EFCAB13: variants seen among roughly 807,000 people sequenced by gnomAD.
EFCAB13 encodes the protein EF-hand calcium-binding domain-containing protein 13.
In EFCAB13, 91 loss-of-function variants were observed where a neutral mutation model predicts 110.2. The observed-to-expected ratio is 0.83, with a 90% confidence interval of 0.70 to 0.98. The LOEUF (loss-of-function observed/expected upper bound fraction) is 0.98, where lower values mean the gene tolerates loss of function less well. Among genes scored for constraint, EFCAB13 ranks in the 50% least tolerant of loss-of-function variants. The pLI is 0.00. For synonymous variants in EFCAB13, 323 were observed against 369.9 expected, an observed-to-expected ratio of 0.87 and a Z score of 1.45; for missense variants, 968 against 1,119.4, an observed-to-expected ratio of 0.86 and a Z score of 1.93.
chr17:47,354,350 T>C (rs2065468987), intron 9 of EFCAB13, among the ~76,000 whole-genome samples: 2 of 152,208 alleles, frequency 1.3e-5, no homozygotes, highest in African/African-American at 2.4e-5. Flanking sequence ...ATAGTCTGCA[T>C]TTATTGGGTA....
Position 47,429,975 on chromosome 17 carries a change from A to G in EFCAB13, c.2638+14A>G. On this transcript the variant is annotated intron_variant, in intron 24 of 24. Coordinates refer to ENST00000331493, the MANE Select transcript of EFCAB13 (RefSeq NM_152347.5). The stretch of plus-strand genomic sequence containing the variant: ...TACCTGAACATGGTTAGTAGTTTCA[A>G]TGCGTCTATCTTATAAGGACCATCC... 6.3e-7 allele frequency: 1 copy of G among 1,587,278 alleles called. No individual in the cohort carries two copies. Among genetic ancestry groups the G allele is most frequent in the African/African-American group, 1.3e-5 (1 of 74,398 alleles).
At chr17:47,369,288 T>C (rs569997036) in intron 10 of EFCAB13, among the ~76,000 whole-genome samples, 147 of 152,358 alleles carry the variant, frequency 9.6e-4, no homozygotes, top group African/African-American at 3.3e-3. Context: ...ACTTCAGATA[T>C]CATTTTTATT....
intron 5 of EFCAB13, among the ~76,000 whole-genome samples, chr17:47,339,214 G>A (rs1450398955): frequency 1.3e-5 from 2 of 152,052 alleles, no homozygotes; most frequent in East Asian, 1.9e-4. Context: ...CTAAGAGTAT[G>A]TGTCTTCTCT....
At chr17:47,359,680 T>G (rs1281478163) in intron 9 of EFCAB13, among the ~76,000 whole-genome samples, 1 of 151,460 alleles carries the variant, frequency 6.6e-6, no homozygotes, top group Non-Finnish European at 1.5e-5. Flanking sequence ...AATGTGCAGG[T>G]TAGTTACATA....
chr17:47,331,456 A>G (rs1417867963), intron 4 of EFCAB13, among the ~76,000 whole-genome samples: 1 of 152,052 alleles, frequency 6.6e-6, no homozygotes, highest in African/African-American at 2.4e-5. Flanking sequence ...CATAAAAAAA[A>G]TGAGCAGAAA....
chr17:47,331,140 T>G (rs2065317537), intron 4 of EFCAB13, among the ~76,000 whole-genome samples: 1 of 152,190 alleles, frequency 6.6e-6, no homozygotes, highest in Non-Finnish European at 1.5e-5. Flanking sequence ...GCTGCTGATT[T>G]GTTTGAATTC....
intron 20 of EFCAB13, among the ~76,000 whole-genome samples, chr17:47,406,140 T>TCTCA (rs1424188949): frequency 6.6e-6 from 1 of 152,084 alleles, no homozygotes; most frequent in African/African-American, 2.4e-5. Context: ...TGAGACGGAG[T>TCTCA]CTCATTCTGT....
At chr17:47,440,273 G>T (rs1000291205) in intron 24 of EFCAB13, among the ~76,000 whole-genome samples, 158 bp from the exon 25 acceptor site, 4 of 152,152 alleles carry the variant, frequency 2.6e-5, no homozygotes, top group African/African-American at 9.6e-5. Flanking sequence ...AGCAGAAATT[G>T]ATAATCATAT....
chr17:47,425,787 TGACA>T (rs1220169726), intron 23 of EFCAB13, among the ~76,000 whole-genome samples: 2 of 152,188 alleles, frequency 1.3e-5, no homozygotes, highest in Admixed American at 1.3e-4. Flanking sequence ...AGGTACTATC[TGACA>T]GACCTACAAG....
chr17:47,361,796 T>C (rs1012274358), intron 10 of EFCAB13, among the ~76,000 whole-genome samples: 3 of 152,208 alleles, frequency 2.0e-5, no homozygotes, highest in African/African-American at 4.8e-5. Context: ...TTCCAAGTCA[T>C]TTCTGGTCTT....
At chr17:47,371,910 G>A (rs1398658398) in intron 11 of EFCAB13, among the ~76,000 whole-genome samples, 3 of 149,912 alleles carry the variant, frequency 2.0e-5, no homozygotes, top group Admixed American at 6.7e-5. Flanking sequence ...CCCTGTGCCC[G>A]GCCTCTGTGT....
At chr17:47,392,552 G>C (rs1414310098) in intron 15 of EFCAB13, among the ~76,000 whole-genome samples, 13 of 152,040 alleles carry the variant, frequency 8.6e-5, no homozygotes, top group Admixed American at 7.2e-4. Context: ...CAAAGGGATA[G>C]AGAAATTTAC....
At chr17:47,439,162 CTTTGT>C (rs1905265508) in intron 24 of EFCAB13, among the ~76,000 whole-genome samples, 1 of 103,346 alleles carries the variant, frequency 9.7e-6, no homozygotes, top group East Asian at 2.6e-4. Flanking sequence ...TGAGTTTCCT[CTTTGT>C]TTTGTTTTTT....
intron 23 of EFCAB13, among the ~76,000 whole-genome samples, chr17:47,419,728 A>G (rs532098792): frequency 1.1e-4 from 16 of 152,220 alleles, no homozygotes; most frequent in Non-Finnish European, 1.8e-4. Context: ...GGTGAAATGC[A>G]CTGTCTTTCA....
intron 8 of EFCAB13, among the ~76,000 whole-genome samples, chr17:47,346,540 C>T (rs1158665155): frequency 6.8e-6 from 1 of 147,834 alleles, no homozygotes; most frequent in African/African-American, 2.5e-5. Context: ...GGGAGTACTA[C>T]TGTCTCTTCA....
intron 23 of EFCAB13, among the ~76,000 whole-genome samples, chr17:47,425,792 G>T (rs1311589660): frequency 2.0e-5 from 3 of 152,214 alleles, no homozygotes; most frequent in African/African-American, 7.2e-5. Flanking sequence ...CTATCTGACA[G>T]ACCTACAAGT....
At chr17:47,398,236 G>T (rs1192660166) in intron 17 of EFCAB13, among the ~76,000 whole-genome samples, 1 of 144,584 alleles carries the variant, frequency 6.9e-6, no homozygotes. Flanking sequence ...CGGGAGGGAG[G>T]TGGGGGGGTC....
At chr17:47,330,079 C>T (rs1047683424) in intron 4 of EFCAB13, among the ~76,000 whole-genome samples, 1 of 152,090 alleles carries the variant, frequency 6.6e-6, no homozygotes, top group Admixed American at 6.6e-5. Flanking sequence ...GACTAATGCA[C>T]CTTTGATCGA....
At chr17:47,405,729 C>A (rs2065801732) in intron 20 of EFCAB13, among the ~76,000 whole-genome samples, 1 of 151,006 alleles carries the variant, frequency 6.6e-6, no homozygotes, top group South Asian at 2.1e-4. Context: ...TAACTTTTTT[C>A]TTTGCTACTG....
Sources: allele counts gnomAD v4.1 joint callset (sites outside exome capture counted in the v4.1 genomes callset), GRCh38; gene constraint gnomAD v4.1.1; transcripts MANE v1.5; gene names NCBI Gene and HGNC (gene_info 2026-07-23, HGNC 2026-07-21).